Variants in DCHS2 observed in about 807,000 individuals in gnomAD.
DCHS2 encodes the protein protocadherin-23.
Under a neutral mutation model 182.4 loss-of-function variants are expected in DCHS2, and 142 were observed. That is an observed-to-expected ratio of 0.78 (90% CI 0.68 to 0.89). The LOEUF (loss-of-function observed/expected upper bound fraction) is 0.89. DCHS2 is among the 40% of genes least tolerant of loss of function. DCHS2 has a pLI of 0.00. For synonymous variants in DCHS2, 1,740 were observed against 1,663.3 expected, an observed-to-expected ratio of 1.05 and a Z score of -1.12; for missense variants, 4,319 against 4,198.6, an observed-to-expected ratio of 1.03 and a Z score of -0.79.
chr4:154,298,353 G>T lies in DCHS2; in HGVS notation c.5961C>A (p.Gly1987=), dbSNP rs1341380767. The T allele has an allele frequency of 6.2e-7, 1 of 1,614,160 alleles. No homozygotes were observed. Among genetic ancestry groups the T allele is most frequent in the Admixed American group, 1.7e-5 (1 of 60,024 alleles). The change falls in exon 13 of 20, where the codon GGC becomes GGA. Residue 1987 remains glycine, a synonymous_variant. Coordinates refer to ENST00000357232, the MANE Select transcript of DCHS2 (RefSeq NM_001358235.2). ...SGAFTIDPMS[G]TLKTSNTLDR... is the part of the protein sequence containing the mutation. Reference sequence around the variant, plus strand: ...CGAGGGTGTTGCTGGTTTTCAATGTGCCTGACATAGGATCAATGGTGAATG... The same window carrying T: ...CGAGGGTGTTGCTGGTTTTCAATGTTCCTGACATAGGATCAATGGTGAATG...
chr4:154,386,738 A>C (rs1206595785), intron 1 of DCHS2, among the ~76,000 whole-genome samples: 1 of 152,146 alleles, frequency 6.6e-6, no homozygotes, highest in African/African-American at 2.4e-5. Context: ...TAATGAATCT[A>C]ATACTGTGTA....
chr4:154,441,878 G>A (rs535828694), intron 1 of DCHS2, among the ~76,000 whole-genome samples: 2 of 152,198 alleles, frequency 1.3e-5, no homozygotes, highest in African/African-American at 2.4e-5. Context: ...GACATAAACC[G>A]GGGCCACAGT....
intron 13 of DCHS2, among the ~76,000 whole-genome samples, chr4:154,280,099 T>C (rs1734060534): frequency 6.6e-6 from 1 of 152,046 alleles, no homozygotes; most frequent in Middle Eastern, 3.4e-3. Context: ...ATTTGAACAA[T>C]TATACAGCAA....
At chr4:154,457,539 G>T (rs1004678752) in intron 1 of DCHS2, among the ~76,000 whole-genome samples, 1 of 152,064 alleles carries the variant, frequency 6.6e-6, no homozygotes, top group Admixed American at 6.5e-5. Context: ...AGCTACTATT[G>T]GCTCATCCCC....
At chr4:154,486,357 A>G (rs1240172901) in intron 1 of DCHS2, 9 of 1,277,370 alleles carry the variant, frequency 7.0e-6, no homozygotes, top group Non-Finnish European at 9.3e-6. Context: ...GACCCCAAAC[A>G]TTGGGGATGT....
Position 154,234,752 on chromosome 4 carries a change from G to A in DCHS2, c.9900C>T (p.Asn3300=). The change falls in exon 20 of 20, where the codon AAC becomes AAT. Residue 3300 remains asparagine, a synonymous_variant. Coordinates refer to ENST00000357232, the MANE Select transcript of DCHS2 (RefSeq NM_001358235.2). ...KAVPPRMPAV[N]LGQVPPKHPR... Reference sequence around the variant, plus strand: ...GGTGTTTCGGAGGCACCTGCCCCAGGTTTACTGCCGGCATTCTTGGTGGGA... The same window carrying A: ...GGTGTTTCGGAGGCACCTGCCCCAGATTTACTGCCGGCATTCTTGGTGGGA... 1.2e-6 allele frequency: 2 copies of A among 1,613,976 alleles called. No individual in the cohort carries two copies. Among genetic ancestry groups the A allele is most frequent in the Non-Finnish European group, 1.7e-6 (2 of 1,179,924 alleles).
intron 1 of DCHS2, among the ~76,000 whole-genome samples, chr4:154,435,712 A>C (rs1323348814): frequency 6.6e-6 from 1 of 152,188 alleles, no homozygotes; most frequent in East Asian, 1.9e-4. Context: ...CTCCTAACAA[A>C]ATAATCCAAA....
rs6853643 is a variant in DCHS2, at chr4:154,321,801, C to A, written c.4176+530G>T. On this transcript the variant is annotated intron_variant, in intron 8 of 19. Coordinates refer to ENST00000357232, the MANE Select transcript of DCHS2 (RefSeq NM_001358235.2). ...ATTATCACATGCACACACAAAGAAACTATGCACAGTCATCTTTCTTTGAGT... is the reference window on the plus strand; with the variant it reads ...ATTATCACATGCACACACAAAGAAAATATGCACAGTCATCTTTCTTTGAGT... Among the ~76,000 whole-genome samples, 745 of 152,242 alleles carry A rather than the reference C, an allele frequency of 4.9e-3. 6 individuals carry two copies. Among genetic ancestry groups the A allele is most frequent in the African/African-American group, 0.017 (722 of 41,562 alleles).
chr4:154,379,111 A>G (rs1731054380), intron 1 of DCHS2, among the ~76,000 whole-genome samples: 1 of 152,238 alleles, frequency 6.6e-6, no homozygotes, highest in Non-Finnish European at 1.5e-5. Flanking sequence ...ATTAATTCAG[A>G]AAGTCCAACT....
intron 1 of DCHS2, among the ~76,000 whole-genome samples, chr4:154,402,114 T>A (rs539741002): frequency 1.1e-4 from 16 of 152,340 alleles, no homozygotes; most frequent in African/African-American, 3.8e-4. Flanking sequence ...CCCAAACAGA[T>A]GTCCAATCAT....
intron 13 of DCHS2, among the ~76,000 whole-genome samples, chr4:154,271,911 C>A (rs551955034): frequency 3.9e-5 from 6 of 152,176 alleles, no homozygotes; most frequent in Non-Finnish European, 8.8e-5. Flanking sequence ...TTCGACACCT[C>A]AAAATGCTTT....
intron 3 of DCHS2, among the ~76,000 whole-genome samples, chr4:154,353,418 CA>C (rs1408819309): frequency 6.6e-6 from 1 of 152,110 alleles, no homozygotes; most frequent in Non-Finnish European, 1.5e-5. Context: ...AGTTAAAAGA[CA>C]AACATTATCA....
intron 2 of DCHS2, among the ~76,000 whole-genome samples, chr4:154,376,438 G>A (rs1730896309): frequency 8.2e-6 from 1 of 122,306 alleles, no homozygotes; most frequent in Admixed American, 9.8e-5. Flanking sequence ...AGATAATTAA[G>A]ACAGCAAGTT....
chr4:154,443,195 A>G (rs151223397), intron 1 of DCHS2, among the ~76,000 whole-genome samples: 4 of 152,274 alleles, frequency 2.6e-5, no homozygotes, highest in African/African-American at 9.6e-5. Context: ...TAAGTTAGTT[A>G]AACCCAACTC....
Position 154,490,471 on chromosome 4 carries a change from G to A in DCHS2, c.885C>T (p.Val295=), listed in dbSNP as rs1191655757. The A allele has an allele frequency of 6.5e-7, 1 of 1,536,648 alleles. No homozygotes were observed. The highest frequency in any genetic ancestry group is 8.7e-7 in the Non-Finnish European group (1 of 1,146,450). ...RVLDENDNPP[V]FEQDEYRAAV... is the part of the protein sequence containing the mutation. Reference sequence around the variant, plus strand: ...CGGCGCGGTACTCGTCCTGCTCAAAGACCGGCGGGTTGTCGTTCTCATCCA... The same window carrying A: ...CGGCGCGGTACTCGTCCTGCTCAAAAACCGGCGGGTTGTCGTTCTCATCCA... The change falls in exon 1 of 20, where the codon GTC becomes GTT. Residue 295 remains valine (V), a synonymous_variant. Coordinates refer to ENST00000357232, the MANE Select transcript of DCHS2 (RefSeq NM_001358235.2).
chr4:154,341,797 C>T (rs1485384986), intron 3 of DCHS2, among the ~76,000 whole-genome samples: 3 of 152,188 alleles, frequency 2.0e-5, no homozygotes, highest in Admixed American at 2.0e-4. Context: ...ATCACTTAAA[C>T]CTACCATGGT....
chr4:154,234,512 C>T lies in DCHS2; in HGVS notation c.*24G>A. On this transcript the variant is annotated 3_prime_UTR_variant, in exon 20 of 20. Coordinates refer to ENST00000357232, the MANE Select transcript of DCHS2 (RefSeq NM_001358235.2). ...TCATTCATTCATGACCAATGGTGAG[C>T]AGGTACTTGGCATCCCAGTGGTTTC... 2 of 1,574,906 alleles carry T rather than the reference C, an allele frequency of 1.3e-6. No individual in the cohort carries two copies. Among genetic ancestry groups the T allele is most frequent in the African/African-American group, 2.7e-5 (2 of 74,054 alleles).
intron 2 of DCHS2, among the ~76,000 whole-genome samples, chr4:154,370,948 C>G (rs936089674): frequency 6.6e-6 from 1 of 152,070 alleles, no homozygotes; most frequent in Non-Finnish European, 1.5e-5. Context: ...TTAAAGTGGA[C>G]GTGCTACAGT....
At chr4:154,339,611 A>T (rs1015079129) in intron 3 of DCHS2, among the ~76,000 whole-genome samples, 2 of 152,054 alleles carry the variant, frequency 1.3e-5, no homozygotes, top group African/African-American at 4.8e-5. Context: ...CATCACGCCT[A>T]GCTAATTTTT....
Sources: allele counts gnomAD v4.1 joint callset (sites outside exome capture counted in the v4.1 genomes callset), GRCh38; gene constraint gnomAD v4.1.1; transcripts MANE v1.5; gene names NCBI Gene and HGNC (gene_info 2026-07-23, HGNC 2026-07-21).